Variants in MROH1 observed in about 807,000 individuals in gnomAD.
MROH1 encodes the protein maestro heat-like repeat-containing protein family member 1.
A neutral mutation model predicts 116.5 loss-of-function variants in MROH1; 117 were observed. That is an observed-to-expected ratio of 1.00 (90% CI 0.86 to 1.17). The LOEUF is 1.17. Among genes scored for constraint, MROH1 ranks in the 50% most tolerant of loss-of-function variants. MROH1 has a pLI of 0.00. For synonymous variants in MROH1, 921 were observed against 583.9 expected, an observed-to-expected ratio of 1.58 and a Z score of -8.32; for missense variants, 1,873 against 1,338.5, an observed-to-expected ratio of 1.40 and a Z score of -6.23.
At chr8:144,246,954 T>C (rs911740845) in intron 29 of MROH1, among the ~76,000 whole-genome samples, 4 of 152,190 alleles carry the variant, frequency 2.6e-5, no homozygotes, top group African/African-American at 7.2e-5. Context: ...CGTGCACTCC[T>C]CCCATTTGGG....
In MROH1 at chr8:144,255,846, A is replaced by G. The variant is rs994366352; in HGVS notation, c.3791+141A>G. 8.0e-3 allele frequency: 5,064 copies of G among 632,552 alleles called. 171 individuals carry two copies. The African/African-American group carries it at 0.082, about 10-fold the overall frequency. 39.2% of individuals were successfully genotyped at this position (632,552 alleles called of 1,614,324 possible). On this transcript the variant is annotated intron_variant, in intron 35 of 43. Coordinates refer to ENST00000326134, the MANE Select transcript of MROH1 (RefSeq NM_032450.3). ...TTTGCTTCCAGGGAGCTGGCGCCTCACCCAGGTGCAGGGCTGAGCTGTCAG... is the reference window on the plus strand; with the variant it reads ...TTTGCTTCCAGGGAGCTGGCGCCTCGCCCAGGTGCAGGGCTGAGCTGTCAG...
intron 14 of MROH1, among the ~76,000 whole-genome samples, chr8:144,234,890 T>C (rs1554824114): frequency 8.9e-6 from 1 of 112,866 alleles, no homozygotes; most frequent in African/African-American, 3.6e-5. Flanking sequence ...CCTTTTTCTT[T>C]CTTTTTTTTT....
intron 9 of MROH1, 147 bp downstream of exon 9, chr8:144,192,002 G>T: frequency 1.0e-6 from 1 of 975,816 alleles, no homozygotes; most frequent in Non-Finnish European, 1.5e-6. Flanking sequence ...GGCTGTGAAG[G>T]ACAGGGCCCT....
intron 9 of MROH1, 77 bp from the exon 10 acceptor site, chr8:144,192,231 TG>T: frequency 7.8e-7 from 1 of 1,277,746 alleles, no homozygotes; most frequent in Non-Finnish European, 1.1e-6. Context: ...GTGGCCCAAC[TG>T]GGAGGCTCTG....
At chr8:144,158,884 G>A (rs556181950) in intron 1 of MROH1, among the ~76,000 whole-genome samples, 10 of 152,112 alleles carry the variant, frequency 6.6e-5, no homozygotes, top group African/African-American at 1.2e-4. Context: ...GACTACAGGC[G>A]CACGCCACCA....
chr8:144,165,903 G>C (rs1329423926), intron 3 of MROH1, among the ~76,000 whole-genome samples: 1 of 151,446 alleles, frequency 6.6e-6, no homozygotes, highest in Admixed American at 6.6e-5. Flanking sequence ...CCATCGAGAT[G>C]GAGTCTCTGT....
chr8:144,195,310 G>A (rs1251202782), intron 10 of MROH1, among the ~76,000 whole-genome samples: 2 of 148,830 alleles, frequency 1.3e-5, no homozygotes, highest in East Asian at 2.0e-4. Flanking sequence ...GACCATCCTC[G>A]ATAACACGGT....
rs992300324 is a variant in MROH1 at position 144,261,679 on chromosome 8, C to T, written c.4865C>T (p.Pro1622Leu). The change falls in exon 44 of 44, where the codon CCG becomes CTG. Residue 1622 changes from proline to leucine, a missense_variant. Transcript: ENST00000326134. ...IAALQILLKD[P>L]APEVRTRAAE... Reference sequence around the variant, plus strand: ...GCGCTCCAGATCCTGCTGAAGGACCCGGCCCCCGAGGTGCGGACGAGGGCT... The same window carrying T: ...GCGCTCCAGATCCTGCTGAAGGACCTGGCCCCCGAGGTGCGGACGAGGGCT... The T allele has an allele frequency of 9.6e-6, 7 of 726,796 alleles. No homozygotes were observed. The highest frequency in any genetic ancestry group is 4.4e-5 in the South Asian group (3 of 68,842). The allele number at this position is 726,796 out of a possible 1,614,324, so 45.0% of individuals were successfully genotyped here.
chr8:144,208,626 A>T (rs534437855), intron 12 of MROH1, among the ~76,000 whole-genome samples: 26 of 152,190 alleles, frequency 1.7e-4, no homozygotes, highest in South Asian at 4.1e-4. Flanking sequence ...GGATTTGCAC[A>T]TACGAATTTT....
Position 144,220,814 on chromosome 8 carries a change from G to A in MROH1, c.1215+141G>A, listed in dbSNP as rs1836554431. 5.7e-6 allele frequency: 4 copies of A among 698,540 alleles called. 1 individual carries two copies. The highest frequency in any genetic ancestry group is 1.8e-5 in the South Asian group (1 of 55,500). The allele number at this position is 698,540 out of a possible 1,614,324, so 43.3% of individuals were successfully genotyped here. On this transcript the variant is annotated intron_variant, in intron 13 of 43. Coordinates refer to ENST00000326134, the MANE Select transcript of MROH1 (RefSeq NM_032450.3). ...CTGAGCTTGGGAACAAAGGATGACA[G>A]TGTGCCATTCAGTGTGTGGCTGGTG... is the stretch of plus-strand genomic sequence containing the variant.
At chr8:144,236,682 G>A (rs1312333322) in intron 14 of MROH1, among the ~76,000 whole-genome samples, 2 of 151,788 alleles carry the variant, frequency 1.3e-5, no homozygotes, top group African/African-American at 2.4e-5. Context: ...GGCAGAGGTT[G>A]CAGTGAGCTG....
chr8:144,156,646 T>C (rs1294848707), intron 1 of MROH1, among the ~76,000 whole-genome samples: 1 of 135,618 alleles, frequency 7.4e-6, no homozygotes, highest in Non-Finnish European at 1.5e-5. Flanking sequence ...GAGGCAGAGG[T>C]TGCAGTGAGC....
Position 144,239,048 on chromosome 8 carries a change from A to G in MROH1, c.1460A>G (p.Tyr487Cys). The G allele has an allele frequency of 1.3e-6, 1 of 778,262 alleles. No individual in the cohort carries two copies. The allele number at this position is 778,262 out of a possible 1,614,324, so 48.2% of individuals were successfully genotyped here. Residue 487 changes from tyrosine to cysteine, a missense_variant, in exon 16 of 44, where the codon TAC (tyrosine) becomes TGC (cysteine). By Grantham distance (194) the Tyr-to-Cys change is radical. Coordinates refer to ENST00000326134, the MANE Select transcript of MROH1 (RefSeq NM_032450.3). ...CTGCTCCCCTAGGTCCTCTGGCCAT[A>G]CCTGCTCCAGTTCCTCACCCCTGTG... ...VDRMSHVLWPYLLQFLTPVRF... is the reference protein window; with the variant it reads ...VDRMSHVLWPCLLQFLTPVRF...
intron 12 of MROH1, among the ~76,000 whole-genome samples, chr8:144,208,531 C>A (rs1048623454): frequency 6.6e-6 from 1 of 151,878 alleles, no homozygotes; most frequent in East Asian, 1.9e-4. Context: ...AAGGGCCCAC[C>A]CTACTCCAGT....
chr8:144,189,561 C>G (rs117398466), intron 7 of MROH1, among the ~76,000 whole-genome samples: 2 of 149,814 alleles, frequency 1.3e-5, no homozygotes, highest in African/African-American at 2.5e-5. Context: ...AGCCTCTGCC[C>G]GCTCCCAGCT....
chr8:144,222,981 T>G, intron 13 of MROH1, 127 bp from the exon 14 acceptor site: 1 of 1,357,956 alleles, frequency 7.4e-7, no homozygotes, highest in Non-Finnish European at 1.0e-6. Context: ...CAGGTGTCAG[T>G]GTAACTGCAG....
intron 4 of MROH1, among the ~76,000 whole-genome samples, chr8:144,174,477 A>G (rs1201440511): frequency 6.8e-6 from 1 of 147,280 alleles, no homozygotes; most frequent in Non-Finnish European, 1.5e-5. Flanking sequence ...GTAATACATA[A>G]CCTTTTTTTT....
At chr8:144,253,122 C>G (rs2133218840) in intron 33 of MROH1, among the ~76,000 whole-genome samples, 1 of 151,890 alleles carries the variant, frequency 6.6e-6, no homozygotes, top group East Asian at 1.9e-4. Flanking sequence ...CCGTTGCACT[C>G]CAGCCTGGGC....
chr8:144,253,482 C>T (rs1843177714), intron 33 of MROH1, among the ~76,000 whole-genome samples: 1 of 152,184 alleles, frequency 6.6e-6, no homozygotes, highest in African/African-American at 2.4e-5. Context: ...GTTGGCTTGG[C>T]TGTTGTATGC....
Sources: allele counts gnomAD v4.1 joint callset (sites outside exome capture counted in the v4.1 genomes callset), GRCh38; gene constraint gnomAD v4.1.1; transcripts MANE v1.5; gene names NCBI Gene and HGNC (gene_info 2026-07-23, HGNC 2026-07-21).